DCC: variants seen among roughly 807,000 people sequenced by gnomAD.
DCC encodes the protein DCC netrin 1 receptor, also known as netrin receptor DCC.
Under a neutral mutation model 172.5 loss-of-function variants are expected in DCC, and 58 were observed. The ratio of observed to expected loss-of-function variants is 0.34; its 90% CI spans 0.27 to 0.42. DCC has a LOEUF of 0.42. DCC is among the 10% of genes least tolerant of loss of function. The pLI is 1.00. For missense variants in DCC, 1,740 were observed against 1,791.0 expected (o/e 0.97, Z 0.51); for synonymous variants, 709 against 644.5 (o/e 1.10, Z -1.52).
chr18:53,528,318 T>C (rs1328719683), intron 28 of DCC, among the ~76,000 whole-genome samples: 2 of 152,176 alleles, frequency 1.3e-5, no homozygotes, highest in East Asian at 3.9e-4. Flanking sequence ...ATGAGTGTTA[T>C]CTACTTAACA....
chr18:53,280,640 A>G, intron 12 of DCC, among the ~76,000 whole-genome samples: 1 of 152,014 alleles, frequency 6.6e-6, no homozygotes, highest in East Asian at 1.9e-4. Flanking sequence ...CTGGTATGAA[A>G]TATTTTTTTT....
intron 8 of DCC, among the ~76,000 whole-genome samples, chr18:53,159,056 A>G (rs1054099295): frequency 1.3e-5 from 2 of 150,670 alleles, no homozygotes; most frequent in Non-Finnish European, 2.9e-5. Flanking sequence ...AAGATTATTC[A>G]TTACTGTGAA....
At chr18:53,467,036 T>C (rs1342924238) in intron 24 of DCC, among the ~76,000 whole-genome samples, 1 of 152,158 alleles carries the variant, frequency 6.6e-6, no homozygotes, top group Admixed American at 6.5e-5. Flanking sequence ...TTTCAAAAAA[T>C]AGTAAGTACC....
At chr18:53,505,988 T>C (rs985830873) in intron 27 of DCC, among the ~76,000 whole-genome samples, 9 of 152,252 alleles carry the variant, frequency 5.9e-5, no homozygotes, top group African/African-American at 2.2e-4. Flanking sequence ...GTAAGGCTTA[T>C]GCTTTATACT....
intron 7 of DCC, among the ~76,000 whole-genome samples, chr18:53,080,759 G>C (rs564003866): frequency 6.6e-6 from 1 of 152,216 alleles, no homozygotes; most frequent in Admixed American, 6.5e-5. Flanking sequence ...ACGGTTAGCA[G>C]TTTGCATTTG....
At chr18:53,471,874 C>T (rs745863262) in intron 25 of DCC, among the ~76,000 whole-genome samples, 7 of 152,060 alleles carry the variant, frequency 4.6e-5, no homozygotes, top group Non-Finnish European at 1.0e-4. Flanking sequence ...TAATGCATTA[C>T]ACTATTCTAT....
intron 12 of DCC, among the ~76,000 whole-genome samples, chr18:53,235,905 A>G (rs1444980134): frequency 2.6e-5 from 4 of 152,138 alleles, no homozygotes; most frequent in Non-Finnish European, 5.9e-5. Flanking sequence ...TTATTTTGAC[A>G]TGTTTCTGAG....
intron 1 of DCC, among the ~76,000 whole-genome samples, chr18:52,689,358 A>G (rs2145007799): frequency 6.6e-6 from 1 of 152,282 alleles, no homozygotes; most frequent in South Asian, 2.1e-4. Context: ...AGCCTTCAAA[A>G]GATATGGGGC....
intron 1 of DCC, among the ~76,000 whole-genome samples, chr18:52,685,769 G>A (rs2035821446): frequency 1.3e-5 from 2 of 151,998 alleles, no homozygotes; most frequent in Non-Finnish European, 2.9e-5. Context: ...TTCAAATCAC[G>A]ATCTGATAAG....
At chr18:52,767,056 T>G (rs2037265070) in intron 2 of DCC, among the ~76,000 whole-genome samples, 1 of 151,800 alleles carries the variant, frequency 6.6e-6, no homozygotes, top group South Asian at 2.1e-4. Context: ...TGCTGCTCTA[T>G]GAGTATTGGC....
intron 1 of DCC, among the ~76,000 whole-genome samples, chr18:52,371,742 A>G (rs1265924996): frequency 6.6e-6 from 1 of 152,138 alleles, no homozygotes; most frequent in African/African-American, 2.4e-5. Context: ...TGAATCTATC[A>G]ATTTTCTGTC....
chr18:53,341,136 C>CAT (rs1190424198), intron 15 of DCC, among the ~76,000 whole-genome samples: 1 of 152,130 alleles, frequency 6.6e-6, no homozygotes, highest in Non-Finnish European at 1.5e-5. Flanking sequence ...GGCTATCAAG[C>CAT]CTATGTCAAG....
At chr18:52,616,060 AC>A (rs763833065) in intron 1 of DCC, among the ~76,000 whole-genome samples, 239 of 152,330 alleles carry the variant, frequency 1.6e-3, no homozygotes, top group Non-Finnish European at 2.7e-3. Flanking sequence ...TTCCCATATT[AC>A]TAGCACCTTA....
At chr18:52,633,700 A>G (rs1287277046) in intron 1 of DCC, among the ~76,000 whole-genome samples, 1 of 152,208 alleles carries the variant, frequency 6.6e-6, no homozygotes, top group Non-Finnish European at 1.5e-5. Flanking sequence ...CCCAACCTAG[A>G]GTTTGGCTGT....
chr18:52,675,890 G>C (rs1054763760), intron 1 of DCC, among the ~76,000 whole-genome samples: 1 of 152,138 alleles, frequency 6.6e-6, no homozygotes, highest in South Asian at 2.1e-4. Context: ...ACTAGAATAG[G>C]ATTCATTGGC....
intron 15 of DCC, among the ~76,000 whole-genome samples, chr18:53,354,386 A>C (rs988009584): frequency 2.0e-5 from 3 of 152,304 alleles, no homozygotes; most frequent in Middle Eastern, 3.4e-3. Flanking sequence ...CCAACAGTGT[A>C]AAAGTGTTCC....
intron 5 of DCC, among the ~76,000 whole-genome samples, chr18:52,971,546 CAT>C (rs958203958): frequency 2.6e-5 from 4 of 151,722 alleles, no homozygotes; most frequent in African/African-American, 9.7e-5. Context: ...CACACACAAA[CAT>C]ATCTTCCCAG....
At chr18:53,290,283 T>G (rs2056986357) in intron 12 of DCC, among the ~76,000 whole-genome samples, 1 of 152,190 alleles carries the variant, frequency 6.6e-6, no homozygotes, top group African/African-American at 2.4e-5. Context: ...CACAAAACAC[T>G]TGTGGTTCTG....
chr18:52,524,104 A>G (rs1276362152), intron 1 of DCC, among the ~76,000 whole-genome samples: 1 of 152,228 alleles, frequency 6.6e-6, no homozygotes, highest in East Asian at 1.9e-4. Flanking sequence ...TATTTAGGTC[A>G]CAATACTTAA....
Sources: gnomAD v4.1 joint callset for allele counts (sites outside exome capture counted in the v4.1 genomes callset) on GRCh38, gnomAD v4.1.1 for gene constraint, MANE v1.5 for transcripts, NCBI Gene and HGNC (gene_info 2026-07-23, HGNC 2026-07-21) for gene names.